FHL2: variants seen among roughly 807,000 people sequenced by gnomAD.
FHL2 encodes the protein four and a half LIM domains 2.
FHL2 carries 20 observed loss-of-function variants against 32.7 expected under a neutral mutation model. The ratio of observed to expected loss-of-function variants is 0.61; its 90% confidence interval spans 0.43 to 0.89. FHL2 has a LOEUF of 0.89. Among genes scored for constraint, FHL2 ranks in the 40% least tolerant of loss-of-function variants. FHL2 has a pLI of 0.00. For missense variants in FHL2, 311 were observed against 358.6 expected, an observed-to-expected ratio of 0.87 and a Z score of 1.07; for synonymous variants, 123 against 128.1, an observed-to-expected ratio of 0.96 and a Z score of 0.27.
chr2:105,433,587 C>T (rs979457919), intron 1 of FHL2, among the ~76,000 whole-genome samples: 3 of 152,076 alleles, frequency 2.0e-5, no homozygotes, highest in Non-Finnish European at 4.4e-5. Context: ...ATCTGGCTTC[C>T]CCTGTACTGC....
chr2:105,398,404 T>C (rs1683287422), intron 1 of FHL2, among the ~76,000 whole-genome samples: 1 of 152,202 alleles, frequency 6.6e-6, no homozygotes, highest in African/African-American at 2.4e-5. Context: ...CACTTATTTC[T>C]ACTAAAGGGA....
chr2:105,398,935 C>G lies in FHL2; in HGVS notation c.-169G>C. 6.5e-7 allele frequency: 1 copy of G among 1,538,088 alleles called. No homozygotes were observed. Among genetic ancestry groups the G allele is most frequent in the Non-Finnish European group, 8.7e-7 (1 of 1,145,554 alleles). ...AGCCCTGGTGGCTAAGCCCCTCGGCCTCCCTCCGGGGCGCAGGGGGTTGGA... is the reference window on the plus strand; with the variant it reads ...AGCCCTGGTGGCTAAGCCCCTCGGCGTCCCTCCGGGGCGCAGGGGGTTGGA... On this transcript the variant is annotated 5_prime_UTR_variant, in exon 1 of 7. Coordinates refer to ENST00000530340, the MANE Select transcript of FHL2 (RefSeq NM_001318895.3).
At chr2:105,414,632 A>C (rs1440155903) in intron 1 of FHL2, among the ~76,000 whole-genome samples, 1 of 152,224 alleles carries the variant, frequency 6.6e-6, no homozygotes, top group Non-Finnish European at 1.5e-5. Flanking sequence ...AGCTCACTGC[A>C]ACCTCTGTCT....
At chr2:105,381,389 A>G (rs1172611016) in intron 3 of FHL2, among the ~76,000 whole-genome samples, 1 of 152,134 alleles carries the variant, frequency 6.6e-6, no homozygotes, top group Admixed American at 6.5e-5. Flanking sequence ...GTGAGCTAGG[A>G]ACCCCAGTGT....
At chr2:105,419,509 C>T (rs1391816150) in intron 1 of FHL2, among the ~76,000 whole-genome samples, 1 of 152,148 alleles carries the variant, frequency 6.6e-6, no homozygotes, top group Non-Finnish European at 1.5e-5. Flanking sequence ...TCTTCCATAC[C>T]AAGAGGAGAC....
intron 3 of FHL2, among the ~76,000 whole-genome samples, chr2:105,384,577 G>A (rs1410067693): frequency 2.0e-5 from 3 of 152,024 alleles, no homozygotes; most frequent in African/African-American, 7.2e-5. Context: ...GCATGATCTC[G>A]GCTCACTGTA....
intron 4 of FHL2, among the ~76,000 whole-genome samples, chr2:105,370,219 A>ACCCC (rs1680947161): frequency 6.6e-6 from 1 of 152,040 alleles, no homozygotes; most frequent in Admixed American, 6.5e-5. Context: ...CCCCCCCAAA[A>ACCCC]AAAAAATTAG....
At chr2:105,414,261 G>A (rs191352465) in intron 1 of FHL2, among the ~76,000 whole-genome samples, 6 of 152,232 alleles carry the variant, frequency 3.9e-5, no homozygotes, top group East Asian at 3.9e-4. Context: ...TCAACCATCC[G>A]GACACCCATC....
intron 1 of FHL2, among the ~76,000 whole-genome samples, chr2:105,418,620 A>C (rs1208382639): frequency 6.6e-6 from 1 of 152,216 alleles, no homozygotes; most frequent in Non-Finnish European, 1.5e-5. Context: ...ATGCGCAGAC[A>C]TAGAGTATTC....
chr2:105,370,218 A>ACCCC (rs1680946607), intron 4 of FHL2, among the ~76,000 whole-genome samples: 4 of 150,142 alleles, frequency 2.7e-5, no homozygotes, highest in Non-Finnish European at 5.9e-5. Flanking sequence ...ACCCCCCCAA[A>ACCCC]AAAAAAATTA....
intron 3 of FHL2, among the ~76,000 whole-genome samples, chr2:105,379,789 C>T (rs1353010504): frequency 6.6e-6 from 1 of 152,214 alleles, no homozygotes; most frequent in Non-Finnish European, 1.5e-5. Flanking sequence ...CCCCAAAAGG[C>T]CAAATCCCAC....
At chr2:105,407,541 T>A (rs1683674302) in intron 1 of FHL2, among the ~76,000 whole-genome samples, 1 of 151,710 alleles carries the variant, frequency 6.6e-6, no homozygotes, top group Non-Finnish European at 1.5e-5. Flanking sequence ...TGCACCGAGA[T>A]CCAGTTGGCA....
chr2:105,383,772 A>G (rs1451704284), intron 3 of FHL2, among the ~76,000 whole-genome samples: 1 of 152,184 alleles, frequency 6.6e-6, no homozygotes, highest in Admixed American at 6.5e-5. Context: ...TCCACTACAA[A>G]CCCAACTACC....
chr2:105,406,455 CTTT>C (rs10655752), intron 1 of FHL2, among the ~76,000 whole-genome samples: 1 of 141,464 alleles, frequency 7.1e-6, no homozygotes, highest in South Asian at 2.2e-4. Context: ...TTTTTCTTAT[CTTT>C]TTTTTTTTTT....
rs536298174 is a variant in FHL2 at position 105,404,251 on chromosome 2, C to T, written c.-24-17711G>A. Among the ~76,000 whole-genome samples the T allele has an allele frequency of 2.8e-3, 423 of 152,364 alleles. 3 individuals are homozygous for T. The highest frequency in any genetic ancestry group is 0.01 in the Middle Eastern group (3 of 294). On this transcript the variant is annotated intron_variant, in intron 1 of 5. Coordinates refer to the FHL2 transcript ENST00000393352. ...ACACAAGCTGTTCCTCCCACTCAAA[C>T]CTTGGCCAGGAAACTGGTGGATGAT...
chr2:105,427,960 GT>G (rs1684313853), intron 1 of FHL2, among the ~76,000 whole-genome samples: 1 of 152,212 alleles, frequency 6.6e-6, no homozygotes, highest in Non-Finnish European at 1.5e-5. Flanking sequence ...AGAGTATGCA[GT>G]CTACTTTATT....
At chr2:105,427,653 A>G (rs1178402843) in intron 1 of FHL2, among the ~76,000 whole-genome samples, 1 of 152,154 alleles carries the variant, frequency 6.6e-6, no homozygotes, top group Admixed American at 6.5e-5. Context: ...TTTATTCAGC[A>G]TTTCTTGTCT....
intron 2 of FHL2, among the ~76,000 whole-genome samples, chr2:105,395,827 C>A (rs182932311): frequency 8.4e-4 from 128 of 152,332 alleles, no homozygotes; most frequent in African/African-American, 3.1e-3. Flanking sequence ...ACGGGAGGAT[C>A]TTGAAGCCGC....
chr2:105,385,728 G>T (rs548729001), intron 3 of FHL2, among the ~76,000 whole-genome samples: 1 of 152,174 alleles, frequency 6.6e-6, no homozygotes, highest in Non-Finnish European at 1.5e-5. Context: ...GCTGAGAAGC[G>T]CAGGTCAGGG....
Sources: gnomAD v4.1 joint callset for allele counts (sites outside exome capture counted in the v4.1 genomes callset) on GRCh38, gnomAD v4.1.1 for gene constraint, MANE v1.5 for transcripts, NCBI Gene and HGNC (gene_info 2026-07-23, HGNC 2026-07-21) for gene names.